Variants in PCDHGB2 observed in about 807,000 individuals in gnomAD.
The protein encoded by PCDHGB2 is protocadherin gamma subfamily B, 2.
A neutral mutation model predicts 59.3 loss-of-function variants in PCDHGB2; 55 were observed. The ratio of observed to expected loss-of-function variants is 0.93; its 90% CI spans 0.75 to 1.16. PCDHGB2 has a LOEUF of 1.16. Among genes scored for constraint, PCDHGB2 ranks in the 50% most tolerant of loss-of-function variants. The probability of loss-of-function intolerance (pLI) is 0.00; values close to 1 mark genes in which losing one functional copy is unlikely to be tolerated. For missense variants in PCDHGB2, 1,228 were observed against 1,198.5 expected (o/e 1.02, Z -0.36); for synonymous variants, 516 against 512.0 (o/e 1.01, Z -0.11).
chr5:141,389,432 C>A (rs1007591817), intron 1 of PCDHGB2: 2 of 1,610,650 alleles, frequency 1.2e-6, no homozygotes, highest in Non-Finnish European at 8.5e-7. Flanking sequence ...TCGCGCAGCG[C>A]GCCTTCGACC....
intron 1 of PCDHGB2, chr5:141,405,079 C>G (rs1383258618): frequency 6.2e-7 from 1 of 1,613,898 alleles, no homozygotes; most frequent in South Asian, 1.1e-5. Context: ...CCTTCGTTAT[C>G]ACGCTGCTGG....
At chr5:141,472,359 G>T (rs2099278248) in intron 1 of PCDHGB2, among the ~76,000 whole-genome samples, 1 of 151,944 alleles carries the variant, frequency 6.6e-6, no homozygotes, top group Admixed American at 6.6e-5. Flanking sequence ...GGCTAACACG[G>T]TGAAACCCCG....
Position 141,476,645 on chromosome 5 carries a change from A to C in PCDHGB2, c.2422-18162A>C. 1 of 1,614,246 alleles carries C rather than the reference A, an allele frequency of 6.2e-7. No homozygotes were observed. The highest frequency in any genetic ancestry group is 8.5e-7 in the Non-Finnish European group (1 of 1,180,052). On this transcript the variant is annotated intron_variant, in intron 1 of 3. Coordinates refer to ENST00000522605, the MANE Select transcript of PCDHGB2 (RefSeq NM_018923.3). The surrounding 1 kb of genome is among the most constrained non-coding windows in gnomAD (Gnocchi z 7.6). ...TTTACAAACCTATGAGCTGAGCCGA[A>C]ATGAATACTTTGCGCTTCGCGTGCA...
rs1399250599 is a variant in PCDHGB2, at chr5:141,476,902, C to A, written c.2422-17905C>A. On this transcript the variant is annotated intron_variant, in intron 1 of 3. Coordinates refer to ENST00000522605, the MANE Select transcript of PCDHGB2 (RefSeq NM_018923.3). The surrounding 1 kb of genome is among the most constrained non-coding windows in gnomAD (Gnocchi z 7.6). ...TGGAGGATGCACCCTCCGGCACGCG[C>A]GTGGTACAAGTCCTTGCAACGGATC... 5 of 1,613,880 alleles carry A rather than the reference C, an allele frequency of 3.1e-6. No individual in the cohort carries two copies. Among genetic ancestry groups the A allele is most frequent in the South Asian group, 1.1e-5 (1 of 91,090 alleles).
At position 141,387,719 on chromosome 5, in the gene PCDHGB2, C is replaced by T. The variant is rs953272587; in HGVS notation, c.2421+25163C>T. The T allele has an allele frequency of 4.5e-6, 5 of 1,115,502 alleles. No homozygotes were observed. In the African/African-American group the frequency reaches 4.7e-5, roughly 11 times the overall value. 69.1% of individuals were successfully genotyped at this position (1,115,502 alleles called of 1,614,324 possible). On this transcript the variant is annotated intron_variant, in intron 1 of 3. Transcript: ENST00000522605. The stretch of plus-strand genomic sequence containing the variant: ...TTCCAGGGCAGCCCCAGCTCAGACT[C>T]CCCAGCGCCAGCCTTTACACCGCTT...
intron 1 of PCDHGB2, among the ~76,000 whole-genome samples, chr5:141,380,195 C>T (rs1248752838): frequency 6.6e-5 from 10 of 152,092 alleles, no homozygotes; most frequent in African/African-American, 2.4e-4. Flanking sequence ...CCACTGAGCC[C>T]GGCCTGAAAG....
chr5:141,436,120 TC>T (rs2154556955), intron 1 of PCDHGB2, among the ~76,000 whole-genome samples: 1 of 152,344 alleles, frequency 6.6e-6, no homozygotes, highest in South Asian at 2.1e-4. Context: ...GAAACCTCTC[TC>T]CTCCATCATC....
At chr5:141,468,849 G>C (rs1349849817) in intron 1 of PCDHGB2, among the ~76,000 whole-genome samples, 2 of 152,058 alleles carry the variant, frequency 1.3e-5, no homozygotes, top group East Asian at 3.9e-4. Flanking sequence ...CTGGGCAACA[G>C]AGCGAGACTC....
chr5:141,441,609 A>G (rs922588350), intron 1 of PCDHGB2: 2 of 218,734 alleles, frequency 9.1e-6, no homozygotes, highest in South Asian at 5.5e-5. Context: ...TCCCTATTCC[A>G]TCGTGGCCAG....
chr5:141,460,795 G>GTA (rs2154567069), intron 1 of PCDHGB2, among the ~76,000 whole-genome samples: 1 of 151,608 alleles, frequency 6.6e-6, no homozygotes, highest in East Asian at 1.9e-4. Flanking sequence ...TACACACAAA[G>GTA]TATATATATG....
At chr5:141,421,322 T>A (rs774885270) in intron 1 of PCDHGB2, 1 of 1,613,864 alleles carries the variant, frequency 6.2e-7, no homozygotes, top group Non-Finnish European at 8.5e-7. Context: ...GCCAGGCAGA[T>A]CCGATATTCG....
chr5:141,431,474 G>T lies in PCDHGB2; in HGVS notation c.2422-63333G>T, dbSNP rs747313827. 3.7e-6 allele frequency: 6 copies of T among 1,613,842 alleles called. No homozygotes were observed. The South Asian group carries it at 6.6e-5, about 18-fold the overall frequency. ...GATGGTTCTGGATGCGAACGACAAC[G>T]CACCAGCGTTTGCTCAGCCCGAGTA... is the stretch of plus-strand genomic sequence containing the variant. On this transcript the variant is annotated intron_variant, in intron 1 of 3. Transcript: ENST00000522605. The surrounding 1 kb of genome is among the most constrained non-coding windows in gnomAD (Gnocchi z 4.8).
intron 1 of PCDHGB2, chr5:141,426,732 C>T (rs576525011): frequency 2.7e-4 from 123 of 448,642 alleles, no homozygotes; most frequent in African/African-American, 2.2e-3. Context: ...TCCAGGCATT[C>T]GGTTTGGCCT....
At chr5:141,438,957 CACCCTGCCA>C (rs1022731551) in intron 1 of PCDHGB2, among the ~76,000 whole-genome samples, 2 of 152,144 alleles carry the variant, frequency 1.3e-5, no homozygotes, top group East Asian at 3.9e-4. Flanking sequence ...TGAGCCACCG[CACCCTGCCA>C]ACTGTCTGAC....
Position 141,422,343 on chromosome 5 carries a change from G to T in PCDHGB2, c.2421+59787G>T, listed in dbSNP as rs764862139. ...GTACAGTGATTGCTCTTCTAAATGT[G>T]CAAGATCAAGATTCTGGAGAAAATG... On this transcript the variant is annotated intron_variant, in intron 1 of 3. Transcript: ENST00000522605. 1.9e-6 allele frequency: 3 copies of T among 1,551,388 alleles called. No individual in the cohort carries two copies. The East Asian group carries it at 6.7e-5, about 35-fold the overall frequency.
At position 141,413,510 on chromosome 5, in the gene PCDHGB2, T is replaced by G. The variant is rs372002880; in HGVS notation, c.2421+50954T>G. On this transcript the variant is annotated intron_variant, in intron 1 of 3. Transcript: ENST00000522605. ...GCGCGGTGCGTGGTGAGTTTTAATA[T>G]CCTTGTGGAAGACAGGGTGAAACTT... The G allele has an allele frequency of 5.4e-5, 87 of 1,613,876 alleles. No individual in the cohort carries two copies. Among genetic ancestry groups the G allele is most frequent in the Middle Eastern group, 1.6e-4 (1 of 6,084 alleles).
intron 1 of PCDHGB2, chr5:141,408,100 G>A (rs1474827605): frequency 9.7e-6 from 14 of 1,438,178 alleles, no homozygotes; most frequent in African/African-American, 1.4e-5. Context: ...CCAGCTCCGA[G>A]ACCCGGGACT....
At chr5:141,456,788 C>A (rs2098888156) in intron 1 of PCDHGB2, among the ~76,000 whole-genome samples, 1 of 152,088 alleles carries the variant, frequency 6.6e-6, no homozygotes, top group Admixed American at 6.5e-5. Flanking sequence ...CATGGCAAAA[C>A]CCCATCTCTA....
At chr5:141,478,256 A>G in intron 1 of PCDHGB2, 6 of 1,614,126 alleles carry the variant, frequency 3.7e-6, no homozygotes, top group Non-Finnish European at 5.1e-6. Flanking sequence ...CGGAGTAATC[A>G]TATTCAAAGT....
Sources: allele counts gnomAD v4.1 joint callset (sites outside exome capture counted in the v4.1 genomes callset), GRCh38; gene constraint gnomAD v4.1.1; non-coding constraint Gnocchi (gnomAD v3.1); transcripts MANE v1.5; gene names NCBI Gene and HGNC (gene_info 2026-07-23, HGNC 2026-07-21).